The following CRISPLD2 variants were observed in gnomAD, a reference collection of about 807,000 sequenced individuals.
CRISPLD2 encodes the protein cysteine rich secretory protein LCCL domain containing 2, also known as cysteine-rich secretory protein LCCL domain-containing 2.
Under a neutral mutation model 71.1 loss-of-function variants are expected in CRISPLD2, and 47 were observed. That is an observed-to-expected ratio of 0.66 (90% CI 0.52 to 0.84). The LOEUF is 0.84. Ranked by LOEUF, CRISPLD2 falls within the 40% of genes least tolerant of loss-of-function variation. The pLI is 0.00. For synonymous variants in CRISPLD2, 317 were observed against 250.1 expected, an observed-to-expected ratio of 1.27 and a Z score of -2.52; for missense variants, 830 against 651.1, an observed-to-expected ratio of 1.27 and a Z score of -2.99.
chr16:84,891,380 A>T (rs2071661255), intron 14 of CRISPLD2, among the ~76,000 whole-genome samples: 1 of 152,138 alleles, frequency 6.6e-6, no homozygotes, highest in Non-Finnish European at 1.5e-5. Context: ...TTGTACCCAG[A>T]TCGTGCCCAT....
At chr16:84,895,441 T>C (rs2071697890) in intron 14 of CRISPLD2, among the ~76,000 whole-genome samples, 1 of 152,194 alleles carries the variant, frequency 6.6e-6, no homozygotes, top group Non-Finnish European at 1.5e-5. Context: ...AAATAATACA[T>C]CCAGAGAGCA....
intron 7 of CRISPLD2, among the ~76,000 whole-genome samples, chr16:84,867,659 CG>C (rs957485383): frequency 5.7e-4 from 87 of 152,288 alleles, no homozygotes; most frequent in African/African-American, 2.1e-3. Context: ...CTTTGCCTTC[CG>C]GGTTCAAGCA....
chr16:84,858,137 C>T (rs896625456), intron 6 of CRISPLD2, among the ~76,000 whole-genome samples: 3 of 152,192 alleles, frequency 2.0e-5, no homozygotes, highest in African/African-American at 7.2e-5. Context: ...CCTATGGGAG[C>T]CTGCCAGAGG....
chr16:84,854,980 A>C, intron 6 of CRISPLD2, 151 bp downstream of exon 6: 1 of 669,824 alleles, frequency 1.5e-6, no homozygotes, highest in Non-Finnish European at 2.7e-6. Flanking sequence ...CGCCTCCGTG[A>C]TGAGCTGAGC....
Position 84,889,298 on chromosome 16 carries a change from C to G in CRISPLD2, c.1374C>G (p.Asp458Glu). Residue 458 changes from aspartate to glutamate, a missense_variant, in exon 14 of 15, where the codon GAC becomes GAG. Coordinates refer to ENST00000262424, the MANE Select transcript of CRISPLD2 (RefSeq NM_031476.4). ...VISNESGGDV[D>E]VMPVDKKKTY... ...GCAACGAGAGTGGGGGTGACGTGGA[C>G]GTGATGCCCGTGGATAAAAAGAAGA... 6.2e-7 allele frequency: 1 copy of G among 1,614,012 alleles called. No individual in the cohort carries two copies. Among genetic ancestry groups the G allele is most frequent in the Non-Finnish European group, 8.5e-7 (1 of 1,179,988 alleles).
rs559887828 is a variant in CRISPLD2 at position 84,854,718 on chromosome 16, T to C, written c.609-11T>C. The C allele has an allele frequency of 1.1e-5, 18 of 1,610,480 alleles. No individual in the cohort carries two copies. In the South Asian group the frequency reaches 1.9e-4, roughly 17 times the overall value. ...GTTCCCTCTGACGGTTGTTTTTGGGTCTGTCCTCAGGGGGAACTGGATTGG... is the reference window on the plus strand; with the variant it reads ...GTTCCCTCTGACGGTTGTTTTTGGGCCTGTCCTCAGGGGGAACTGGATTGG... On this transcript the variant is annotated splice_polypyrimidine_tract_variant and intron_variant, in intron 5 of 14. Coordinates refer to ENST00000262424, the MANE Select transcript of CRISPLD2 (RefSeq NM_031476.4).
intron 13 of CRISPLD2, among the ~76,000 whole-genome samples, chr16:84,885,028 G>C (rs1357910665): frequency 6.6e-6 from 1 of 152,214 alleles, no homozygotes; most frequent in Non-Finnish European, 1.5e-5. Context: ...GAGACAGAAA[G>C]CCTGGAGGTC....
At chr16:84,842,971 G>C (rs185511961) in intron 2 of CRISPLD2, among the ~76,000 whole-genome samples, 19 of 152,300 alleles carry the variant, frequency 1.2e-4, no homozygotes, top group Admixed American at 1.2e-3. Flanking sequence ...TGGTCTTCTT[G>C]TCCCTGCACT....
rs538277834 is a variant in CRISPLD2 at position 84,867,016 on chromosome 16, A to C, written c.829A>C (p.Lys277Gln). 6.2e-7 allele frequency: 1 copy of C among 1,614,076 alleles called. No homozygotes were observed. The highest frequency in any genetic ancestry group is 1.3e-5 in the African/African-American group (1 of 75,008). Reference protein sequence around the residue: ...PRVMRPTKPKKTSAVNYMTQV... With the variant: ...PRVMRPTKPKQTSAVNYMTQV... ...GGTGATGAGACCCACCAAGCCCAAG[A>C]AAACCTCTGCGGTCAACTACATGAG... Residue 277 changes from lysine (K) to glutamine (Q), a missense_variant, in exon 7 of 15, where the codon AAA (lysine) becomes CAA (glutamine). By Grantham distance (53) the Lys-to-Gln change is moderately conservative. Coordinates refer to ENST00000262424, the MANE Select transcript of CRISPLD2 (RefSeq NM_031476.4).
intron 14 of CRISPLD2, among the ~76,000 whole-genome samples, chr16:84,891,712 C>T (rs144229218): frequency 6.6e-6 from 1 of 152,228 alleles, no homozygotes; most frequent in Admixed American, 6.5e-5. Context: ...CAGCAGTGCC[C>T]TGTGGGCTGG....
chr16:84,840,018 CAAA>C (rs5818511), intron 2 of CRISPLD2: 2,169 of 134,554 alleles, frequency 0.016, 56 homozygotes, highest in African/African-American at 0.057. Flanking sequence ...GACCCTGTCT[CAAA>C]AAAAAAAAAA....
chr16:84,859,173 G>A (rs1917318164), intron 6 of CRISPLD2, among the ~76,000 whole-genome samples: 1 of 152,164 alleles, frequency 6.6e-6, no homozygotes, highest in African/African-American at 2.4e-5. Context: ...GAGCCAAAGT[G>A]GGGGTTCTGC....
Position 84,867,001 on chromosome 16 carries a change from C to T in CRISPLD2, c.814C>T (p.Pro272Ser), listed in dbSNP as rs766172142. 2 of 1,614,026 alleles carry T rather than the reference C, an allele frequency of 1.2e-6. No individual in the cohort carries two copies. The highest frequency in any genetic ancestry group is 1.1e-5 in the South Asian group (1 of 91,068). ...HVWLQPRVMR[P>S]TKPKKTSAVN... The stretch of plus-strand genomic sequence containing the variant: ...TTGGCTCCAACCGAGGGTGATGAGA[C>T]CCACCAAGCCCAAGAAAACCTCTGC... Residue 272 changes from proline to serine, a missense_variant, in exon 7 of 15, where the codon CCC becomes TCC. By Grantham distance (74) the Pro-to-Ser change is moderately conservative. Transcript: ENST00000262424.
intron 9 of CRISPLD2, 103 bp downstream of exon 9, chr16:84,872,611 C>A: frequency 9.9e-7 from 1 of 1,012,478 alleles, no homozygotes; most frequent in Non-Finnish European, 1.5e-6. Flanking sequence ...CTTTCCACTC[C>A]TTAGTCAAAC....
At chr16:84,864,763 G>A (rs1011114223) in intron 6 of CRISPLD2, among the ~76,000 whole-genome samples, 5 of 152,232 alleles carry the variant, frequency 3.3e-5, no homozygotes, top group African/African-American at 1.2e-4. Context: ...CTGGCCTCTG[G>A]AGGTTCGCAG....
intron 7 of CRISPLD2, among the ~76,000 whole-genome samples, chr16:84,867,966 G>A (rs1009410228): frequency 5.8e-4 from 88 of 152,280 alleles, no homozygotes; most frequent in Non-Finnish European, 8.8e-5. Context: ...TCTGCAGGCC[G>A]GGGGCTGTGG....
intron 11 of CRISPLD2, among the ~76,000 whole-genome samples, chr16:84,875,664 C>T (rs1477125481): frequency 2.0e-5 from 3 of 151,340 alleles, no homozygotes; most frequent in Non-Finnish European, 2.9e-5. Flanking sequence ...TCAAGTGATT[C>T]TCCTGCCTTA....
chr16:84,895,270 C>T (rs1299944360), intron 14 of CRISPLD2, among the ~76,000 whole-genome samples: 2 of 152,200 alleles, frequency 1.3e-5, no homozygotes, highest in Non-Finnish European at 2.9e-5. Flanking sequence ...CCGCCTGTAC[C>T]AGAATCCATG....
At chr16:84,896,832 C>CT (rs1394546284) in intron 14 of CRISPLD2, among the ~76,000 whole-genome samples, 4 of 152,150 alleles carry the variant, frequency 2.6e-5, no homozygotes, top group Non-Finnish European at 5.9e-5. Context: ...ATAAATTACA[C>CT]TTTTTAAAAG....
Sources: gnomAD v4.1 joint callset for allele counts (sites outside exome capture counted in the v4.1 genomes callset) on GRCh38, gnomAD v4.1.1 for gene constraint, MANE v1.5 for transcripts, NCBI Gene and HGNC (gene_info 2026-07-23, HGNC 2026-07-21) for gene names.